INPP5D: variants seen among roughly 807,000 people sequenced by gnomAD.
INPP5D encodes inositol polyphosphate-5-phosphatase D, also known as phosphatidylinositol 3,4,5-trisphosphate 5-phosphatase 1.
In INPP5D, 33 loss-of-function variants were observed where a neutral mutation model predicts 122.9. That is an observed-to-expected ratio of 0.27 (90% CI 0.20 to 0.36). The LOEUF (loss-of-function observed/expected upper bound fraction) is 0.36. INPP5D is among the 10% of genes least tolerant of loss of function. The pLI is 1.00. For synonymous variants in INPP5D, 584 were observed against 576.2 expected (o/e 1.01, Z -0.19); for missense variants, 1,053 against 1,412.7 (o/e 0.75, Z 4.08).
At chr2:233,193,767 G>C in intron 22 of INPP5D, 45 bp from the exon 23 acceptor site, 1 of 1,612,960 alleles carries the variant, frequency 6.2e-7, no homozygotes, top group East Asian at 2.2e-5. Flanking sequence ...TTTCTGCCAT[G>C]AAAAGGCAGG....
Position 233,169,979 on chromosome 2 carries a change from G to A in INPP5D, c.1653-47G>A, listed in dbSNP as rs774185944. Reference sequence around the variant, plus strand: ...GAGTGACTTCCTGCCACAGTGGAGGGGGAACCAGTGACCCCGTGCTAGATG... The same window carrying A: ...GAGTGACTTCCTGCCACAGTGGAGGAGGAACCAGTGACCCCGTGCTAGATG... On this transcript the variant is annotated intron_variant, in intron 14 of 26. Transcript: ENST00000445964. 5.0e-6 allele frequency: 8 copies of A among 1,612,382 alleles called. No individual in the cohort carries two copies. The South Asian group carries it at 7.7e-5, about 16-fold the overall frequency.
chr2:233,104,028 T>TTG (rs1692395765), intron 2 of INPP5D, among the ~76,000 whole-genome samples: 11 of 110,450 alleles, frequency 1.0e-4, no homozygotes, highest in Non-Finnish European at 1.4e-4. Flanking sequence ...TTTTTTTTTT[T>TTG]GAGACATAGT....
At chr2:233,096,070 C>G (rs763935270) in intron 2 of INPP5D, among the ~76,000 whole-genome samples, 34 of 152,114 alleles carry the variant, frequency 2.2e-4, no homozygotes, top group Non-Finnish European at 4.4e-4. Context: ...TTGTTGTTCT[C>G]ACTACAAAAG....
intron 2 of INPP5D, among the ~76,000 whole-genome samples, chr2:233,088,126 C>A (rs1342988809): frequency 6.6e-6 from 1 of 152,110 alleles, no homozygotes. Context: ...CAGCCATGCA[C>A]CACCACCCCC....
At position 233,079,253 on chromosome 2, in the gene INPP5D, T is replaced by C. The variant is rs1691607625; in HGVS notation, c.135-82T>C. The C allele has an allele frequency of 4.7e-6, 4 of 859,568 alleles. No individual in the cohort carries two copies. The Admixed American group carries it at 7.5e-5, about 16-fold the overall frequency. The allele number at this position is 859,568 out of a possible 1,614,324, so 53.2% of individuals were successfully genotyped here. A position where few individuals can be genotyped will look rare whatever the true frequency, so the allele number is the denominator to read the frequency against. ...CTTTGTGTCCAGATTCCTCAAGCTG[T>C]GTCAGGAAGTCTTGTCTTTTCAGTT... On this transcript the variant is annotated intron_variant, in intron 1 of 26. Coordinates refer to ENST00000445964, the MANE Select transcript of INPP5D (RefSeq NM_001017915.3).
intron 1 of INPP5D, among the ~76,000 whole-genome samples, chr2:233,077,560 G>A (rs950298631): frequency 1.3e-5 from 2 of 150,678 alleles, no homozygotes; most frequent in African/African-American, 4.9e-5. Context: ...TTGAGAGGCT[G>A]AGGCAGGATA....
At chr2:233,138,895 G>A (rs1432572627) in intron 5 of INPP5D, among the ~76,000 whole-genome samples, 4 of 151,070 alleles carry the variant, frequency 2.6e-5, no homozygotes, top group East Asian at 2.0e-4. Flanking sequence ...ACAGGAGCCC[G>A]CCACCACACC....
intron 22 of INPP5D, 36 bp from the exon 23 acceptor site, chr2:233,193,775 AG>A: frequency 6.2e-7 from 1 of 1,613,474 alleles, no homozygotes; most frequent in Non-Finnish European, 8.5e-7. Context: ...ATGAAAAGGC[AG>A]GGTCTTCACC....
rs1695204617 is a variant in INPP5D, at chr2:233,197,112, A to G, written c.2694-983A>G. On this transcript the variant is annotated intron_variant, in intron 24 of 26. Coordinates refer to ENST00000445964, the MANE Select transcript of INPP5D (RefSeq NM_001017915.3). The surrounding 1 kb of genome is among the most constrained non-coding windows in gnomAD (Gnocchi z 4.4). Reference sequence around the variant, plus strand: ...GAAGCAGGCAGTGGTGGATGGGAACAAGGTACAGCTCGGAACCAGGCTGGC... The same window carrying G: ...GAAGCAGGCAGTGGTGGATGGGAACGAGGTACAGCTCGGAACCAGGCTGGC... 1.3e-5 allele frequency among the ~76,000 whole-genome samples: 2 copies of G among 152,206 alleles called. No individual in the cohort carries two copies. The highest frequency in any genetic ancestry group is 2.9e-5 in the Non-Finnish European group (2 of 68,032).
intron 17 of INPP5D, among the ~76,000 whole-genome samples, chr2:233,176,468 G>T: frequency 8.2e-6 from 1 of 121,934 alleles, no homozygotes; most frequent in Middle Eastern, 4.1e-3. Context: ...TGGATGGATG[G>T]GTGGATAGGT....
chr2:233,137,546 C>A (rs1412048108), intron 5 of INPP5D, among the ~76,000 whole-genome samples: 1 of 150,492 alleles, frequency 6.6e-6, no homozygotes, highest in Non-Finnish European at 1.5e-5. Context: ...ACTTCTGCCT[C>A]CTGGGTTCAA....
In INPP5D at chr2:233,066,262, G is replaced by A. The variant is rs1443071073; in HGVS notation, c.134+5650G>A. Among the ~76,000 whole-genome samples, 8 of 152,186 alleles carry A rather than the reference G, an allele frequency of 5.3e-5. No individual in the cohort carries two copies. In the East Asian group the frequency reaches 9.6e-4, roughly 18 times the overall value. ...AGCCGCTGCACGCAGCCTCACATCA[G>A]CACCTCTCAATCAATTGGTGCCATC... On this transcript the variant is annotated intron_variant, in intron 1 of 26. Coordinates refer to ENST00000445964, the MANE Select transcript of INPP5D (RefSeq NM_001017915.3).
intron 1 of INPP5D, among the ~76,000 whole-genome samples, chr2:233,069,681 A>G (rs1192774921): frequency 6.6e-6 from 1 of 152,192 alleles, no homozygotes; most frequent in African/African-American, 2.4e-5. Flanking sequence ...CCTAATGATC[A>G]TATTTAATGG....
chr2:233,064,066 T>C (rs4439944), intron 1 of INPP5D, among the ~76,000 whole-genome samples: 56,350 of 152,292 alleles, frequency 0.37, 11,134 homozygotes, highest in Non-Finnish European at 0.43. Flanking sequence ...CGGCATCCCC[T>C]TGTGCAATCT....
At chr2:233,176,427 G>A (rs1694634370) in intron 17 of INPP5D, among the ~76,000 whole-genome samples, 3 of 115,872 alleles carry the variant, frequency 2.6e-5, no homozygotes, top group African/African-American at 6.3e-5. Flanking sequence ...GTGGGTGGGT[G>A]AATGGATGGA....
At chr2:233,196,323 C>T (rs557541133) in intron 24 of INPP5D, among the ~76,000 whole-genome samples, 71 of 152,276 alleles carry the variant, frequency 4.7e-4, no homozygotes, top group Non-Finnish European at 7.2e-4. Context: ...TCTAATGTGA[C>T]GGAAAGTTCA....
intron 25 of INPP5D, among the ~76,000 whole-genome samples, chr2:233,203,556 G>C (rs1302988538): frequency 1.3e-5 from 2 of 152,062 alleles, no homozygotes; most frequent in East Asian, 3.9e-4. Context: ...TTTTTCACTT[G>C]AGGTGAAATT....
intron 2 of INPP5D, among the ~76,000 whole-genome samples, chr2:233,081,078 C>A (rs920990328): frequency 6.6e-6 from 1 of 152,202 alleles, no homozygotes; most frequent in African/African-American, 2.4e-5. Flanking sequence ...TGGCCTAGGG[C>A]GCCCGCAGGT....
intron 4 of INPP5D, among the ~76,000 whole-genome samples, chr2:233,126,308 CTAA>C (rs1437910241): frequency 1.2e-4 from 19 of 152,186 alleles, no homozygotes; most frequent in Non-Finnish European, 2.5e-4. Flanking sequence ...CAAAGAAATC[CTAA>C]TGACAGGGCT....
Sources: gnomAD v4.1 joint callset for allele counts (sites outside exome capture counted in the v4.1 genomes callset) on GRCh38, gnomAD v4.1.1 for gene constraint, Gnocchi (gnomAD v3.1) non-coding constraint, MANE v1.5 for transcripts, NCBI Gene and HGNC (gene_info 2026-07-23, HGNC 2026-07-21) for gene names.